The following SCUBE1 variants were observed in gnomAD, a reference collection of about 807,000 sequenced individuals.
SCUBE1 encodes the protein signal peptide, CUB and EGF-like domain-containing protein 1.
SCUBE1 carries 59 observed loss-of-function variants against 124.4 expected under a neutral mutation model. The observed-to-expected ratio is 0.47, with a 90% CI of 0.38 to 0.59. SCUBE1 has a LOEUF of 0.59. Among genes scored for constraint, SCUBE1 ranks in the 20% least tolerant of loss-of-function variants. The pLI, the probability that SCUBE1 is intolerant of heterozygous loss-of-function variation, is 0.00. For missense variants in SCUBE1, 1,150 were observed against 1,371.2 expected, an observed-to-expected ratio of 0.84 and a Z score of 2.55; for synonymous variants, 545 against 550.9, an observed-to-expected ratio of 0.99 and a Z score of 0.15.
intron 15 of SCUBE1, among the ~76,000 whole-genome samples, 154 bp downstream of exon 15, chr22:43,218,101 A>G (rs940011524): frequency 2.6e-5 from 4 of 152,156 alleles, no homozygotes; most frequent in African/African-American, 9.7e-5. Flanking sequence ...AGTGATGACC[A>G]TGAGGGCTGC....
rs138987 is a variant in SCUBE1 at position 43,210,662 on chromosome 22, T to C, written c.2383+260A>G. Among the ~76,000 whole-genome samples the C allele has an allele frequency of 0.35, 53,756 of 152,136 alleles. 10,805 individuals are homozygous for C. Among genetic ancestry groups the C allele is most frequent in the African/African-American group, 0.55 (22,830 of 41,490 alleles). On this transcript the variant is annotated intron_variant, in intron 18 of 21. Transcript: ENST00000360835. This position sits in a 1 kb window ranked among gnomAD's most constrained non-coding sequence, Gnocchi z 4.5. ...CAGGGCCTGGCCCAGGGCAGAGGCT[T>C]GGGCTGTGTTGGGTGAGCAGTGGGA...
intron 4 of SCUBE1, among the ~76,000 whole-genome samples, chr22:43,268,142 G>T (rs781109092): frequency 6.6e-6 from 1 of 152,204 alleles, no homozygotes; most frequent in Non-Finnish European, 1.5e-5. Context: ...AGCTCTTCCA[G>T]AGCAGGGGCC....
chr22:43,281,857 T>A (rs1276926467), intron 4 of SCUBE1: 1 of 152,798 alleles, frequency 6.5e-6, no homozygotes, highest in African/African-American at 2.4e-5. Context: ...TCCAAATTCC[T>A]GCTAGACAGG....
chr22:43,208,786 G>A (rs1274874775), intron 19 of SCUBE1, among the ~76,000 whole-genome samples: 2 of 152,230 alleles, frequency 1.3e-5, no homozygotes, highest in Non-Finnish European at 2.9e-5. Context: ...GGTACAGCAT[G>A]TGACCGGCAG....
chr22:43,212,722 T>G (rs1601798050), intron 16 of SCUBE1, 130 bp from the exon 17 acceptor site: 56 of 546,162 alleles, frequency 1.0e-4, no homozygotes, highest in East Asian at 2.3e-4. Context: ...AGGCCTGGGG[T>G]GGGGACGGGG....
rs1249981257 is a variant in SCUBE1, at chr22:43,211,820, G to A, written c.2221+605C>T. On this transcript the variant is annotated intron_variant, in intron 17 of 21. Transcript: ENST00000360835. The surrounding 1 kb of genome is among the most constrained non-coding windows in gnomAD (Gnocchi z 4.5). ...ATTATAGGTGTGTGCCACCGCACCT[G>A]GCTTCTTTTTTTAAATGGGCAAATT... is the stretch of plus-strand genomic sequence containing the variant. Among the ~76,000 whole-genome samples the A allele has an allele frequency of 6.6e-6, 1 of 152,146 alleles. No homozygotes were observed. Among genetic ancestry groups the A allele is most frequent in the Admixed American group, 6.5e-5 (1 of 15,272 alleles).
At chr22:43,248,716 A>C (rs1923317393) in intron 6 of SCUBE1, among the ~76,000 whole-genome samples, 1 of 152,214 alleles carries the variant, frequency 6.6e-6, no homozygotes, top group Non-Finnish European at 1.5e-5. Flanking sequence ...CCACCTGATG[A>C]GCACTGGGCC....
chr22:43,331,044 A>G (rs548716578), intron 2 of SCUBE1, among the ~76,000 whole-genome samples: 42 of 152,322 alleles, frequency 2.8e-4, no homozygotes, highest in African/African-American at 9.4e-4. Flanking sequence ...AATGATGATG[A>G]AAATGATTTA....
At chr22:43,206,269 C>T (rs985930701) in intron 21 of SCUBE1, among the ~76,000 whole-genome samples, 5 of 149,252 alleles carry the variant, frequency 3.4e-5, no homozygotes, top group Non-Finnish European at 7.5e-5. Context: ...CCCCTACATA[C>T]ACACTATACA....
At chr22:43,216,909 C>G (rs1237173517) in intron 15 of SCUBE1, among the ~76,000 whole-genome samples, 4 of 122,916 alleles carry the variant, frequency 3.3e-5, no homozygotes, top group African/African-American at 1.3e-4. Context: ...GCTTCCCTCC[C>G]ACCCCCACTG....
chr22:43,268,968 G>A (rs1924183954), intron 4 of SCUBE1, among the ~76,000 whole-genome samples: 1 of 152,182 alleles, frequency 6.6e-6, no homozygotes, highest in African/African-American at 2.4e-5. Flanking sequence ...GGGATTGGGA[G>A]GAGGGCTGGA....
At chr22:43,289,441 C>T (rs1209724363) in intron 4 of SCUBE1, among the ~76,000 whole-genome samples, 7 of 152,224 alleles carry the variant, frequency 4.6e-5, no homozygotes, top group South Asian at 2.1e-4. Flanking sequence ...CCACGGAGCT[C>T]GGGCTTTCTG....
intron 2 of SCUBE1, among the ~76,000 whole-genome samples, chr22:43,335,843 A>G (rs1228969986): frequency 0.014 from 885 of 64,222 alleles, no homozygotes; most frequent in Middle Eastern, 0.026. Context: ...TGATGATGAT[A>G]ATGATGATGG....
At chr22:43,290,929 C>G (rs893606874) in intron 4 of SCUBE1, 117 bp downstream of exon 4, 1 of 1,181,796 alleles carries the variant, frequency 8.5e-7, no homozygotes, top group South Asian at 1.7e-5. Context: ...ATTCAGACTA[C>G]CACCAAAATT....
rs540170442 is a variant in SCUBE1, at chr22:43,258,160, G to A, written c.727+59C>T. ...CAGGGTGCTGGCCCTGCTGGTGCAC[G>A]CATGGGGGGTCGGGGGCGGGGGGCG... is the stretch of plus-strand genomic sequence containing the variant. On this transcript the variant is annotated intron_variant, in intron 6 of 21. Coordinates refer to ENST00000360835, the MANE Select transcript of SCUBE1 (RefSeq NM_173050.5). The surrounding 1 kb of genome is among the most constrained non-coding windows in gnomAD (Gnocchi z 5.0). 107 of 1,125,316 alleles carry A rather than the reference G, an allele frequency of 9.5e-5. No homozygotes were observed. The East Asian group carries it at 2.3e-3, about 24-fold the overall frequency. 69.7% of individuals were successfully genotyped at this position (1,125,316 alleles called of 1,614,324 possible).
intron 1 of SCUBE1, among the ~76,000 whole-genome samples, chr22:43,341,084 C>T (rs1233245940): frequency 1.4e-5 from 1 of 73,356 alleles, no homozygotes; most frequent in Admixed American, 1.1e-4. Context: ...CCCCCCTGCA[C>T]ACACACACAC....
At chr22:43,253,478 G>T (rs1176012845) in intron 6 of SCUBE1, among the ~76,000 whole-genome samples, 1 of 152,140 alleles carries the variant, frequency 6.6e-6, no homozygotes, top group Non-Finnish European at 1.5e-5. Flanking sequence ...AAGCTCTAAG[G>T]GGTGGTATGG....
chr22:43,339,542 G>C (rs1374500325), intron 1 of SCUBE1, among the ~76,000 whole-genome samples: 2 of 151,668 alleles, frequency 1.3e-5, no homozygotes, highest in Non-Finnish European at 2.9e-5. Context: ...CAGTGAGGAA[G>C]AACCTCCTCC....
chr22:43,224,707 G>A (rs1922234801), intron 10 of SCUBE1, among the ~76,000 whole-genome samples: 1 of 152,178 alleles, frequency 6.6e-6, no homozygotes, highest in African/African-American at 2.4e-5. Context: ...ATATTCTGGG[G>A]TCACAGCTGT....
Sources: gnomAD v4.1 joint callset for allele counts (sites outside exome capture counted in the v4.1 genomes callset) on GRCh38, gnomAD v4.1.1 for gene constraint, Gnocchi (gnomAD v3.1) non-coding constraint, MANE v1.5 for transcripts, NCBI Gene and HGNC (gene_info 2026-07-23, HGNC 2026-07-21) for gene names.